The following KCNIP1 variants were observed in gnomAD, a reference collection of about 807,000 sequenced individuals.
The protein encoded by KCNIP1 is potassium voltage-gated channel interacting protein 1.
Under a neutral mutation model 33.0 loss-of-function variants are expected in KCNIP1, and 18 were observed. That is an observed-to-expected ratio of 0.55 (90% CI 0.38 to 0.81). KCNIP1 has a LOEUF of 0.81. Ranked by LOEUF, KCNIP1 falls within the 30% of genes least tolerant of loss-of-function variation. KCNIP1 has a pLI of 0.00. For synonymous variants in KCNIP1, 93 were observed against 98.3 expected (o/e 0.95, Z 0.32); for missense variants, 238 against 271.6 (o/e 0.88, Z 0.87).
At chr5:170,578,809 G>A (rs962128787) in intron 1 of KCNIP1, among the ~76,000 whole-genome samples, 3 of 152,158 alleles carry the variant, frequency 2.0e-5, no homozygotes, top group Non-Finnish European at 4.4e-5. Flanking sequence ...TCTGAAAAGA[G>A]GATGTTTTGG....
chr5:170,434,847 C>T (rs1281401547), intron 1 of KCNIP1, among the ~76,000 whole-genome samples: 3 of 152,122 alleles, frequency 2.0e-5, no homozygotes, highest in African/African-American at 7.2e-5. Context: ...CCCAGCTACT[C>T]GGGAGGCTGA....
intron 1 of KCNIP1, among the ~76,000 whole-genome samples, chr5:170,585,054 A>G (rs772501081): frequency 6.6e-6 from 1 of 152,170 alleles, no homozygotes; most frequent in African/African-American, 2.4e-5. Flanking sequence ...ATTCACAGGT[A>G]AGAAAACTGA....
At chr5:170,615,402 A>G (rs1177814466) in intron 1 of KCNIP1, among the ~76,000 whole-genome samples, 2 of 152,188 alleles carry the variant, frequency 1.3e-5, no homozygotes, top group African/African-American at 4.8e-5. Context: ...ACGCAGACTG[A>G]CAAGCCTGTG....
At chr5:170,436,262 T>A (rs1408786063) in intron 1 of KCNIP1, among the ~76,000 whole-genome samples, 4 of 152,182 alleles carry the variant, frequency 2.6e-5, no homozygotes, top group Non-Finnish European at 5.9e-5. Context: ...CATTCGAGGT[T>A]ATTAATTTGC....
At position 170,521,017 on chromosome 5, in the gene KCNIP1, C is replaced by T. The variant is rs998315043; in HGVS notation, c.61+16384C>T. On this transcript the variant is annotated intron_variant, in intron 1 of 7. Coordinates refer to ENST00000328939, the MANE Select transcript of KCNIP1 (RefSeq NM_014592.4). ...TGAGAAGGTATATGTGAAATGCCTG[C>T]TCCATAATAGACACCCGTTTGAGAA... Among the ~76,000 whole-genome samples, 25 of 152,176 alleles carry T rather than the reference C, an allele frequency of 1.6e-4. 1 individual carries two copies. The highest frequency in any genetic ancestry group is 5.2e-4 in the Admixed American group (8 of 15,278).
intron 1 of KCNIP1, among the ~76,000 whole-genome samples, chr5:170,439,541 C>T (rs983288360): frequency 1.3e-5 from 2 of 152,170 alleles, no homozygotes; most frequent in Non-Finnish European, 2.9e-5. Flanking sequence ...CCACTCCACA[C>T]GTAGGAGGCT....
At chr5:170,707,357 A>T (rs1386141820) in intron 1 of KCNIP1, among the ~76,000 whole-genome samples, 1 of 152,098 alleles carries the variant, frequency 6.6e-6, no homozygotes, top group Non-Finnish European at 1.5e-5. Flanking sequence ...CCTAATGTAC[A>T]TGGCCTTGCT....
chr5:170,708,568 T>A (rs911828670), intron 1 of KCNIP1, among the ~76,000 whole-genome samples: 1 of 152,250 alleles, frequency 6.6e-6, no homozygotes, highest in Non-Finnish European at 1.5e-5. Flanking sequence ...TTACCATGAT[T>A]TAATTACCAT....
intron 1 of KCNIP1, among the ~76,000 whole-genome samples, chr5:170,702,801 A>G (rs1221084030): frequency 6.6e-6 from 1 of 151,898 alleles, no homozygotes; most frequent in Non-Finnish European, 1.5e-5. Context: ...AAATAGGAAC[A>G]ATAATTAGCT....
At chr5:170,603,573 A>G (rs1378392719) in intron 1 of KCNIP1, among the ~76,000 whole-genome samples, 2 of 151,896 alleles carry the variant, frequency 1.3e-5, no homozygotes, top group Non-Finnish European at 2.9e-5. Flanking sequence ...GGCTGTGCAC[A>G]GGGGTCTGAG....
intron 1 of KCNIP1, among the ~76,000 whole-genome samples, chr5:170,619,104 A>C (rs182401849): frequency 2.0e-5 from 3 of 152,356 alleles, no homozygotes; most frequent in Admixed American, 2.0e-4. Context: ...GAATGAATGG[A>C]TGCTTCCATG....
intron 1 of KCNIP1, among the ~76,000 whole-genome samples, chr5:170,629,640 C>T (rs1232303146): frequency 2.0e-5 from 3 of 152,286 alleles, no homozygotes; most frequent in Admixed American, 1.3e-4. Context: ...GAAAGTCTGC[C>T]CCCTCCCCCT....
At chr5:170,645,939 CAA>C (rs1453322292) in intron 1 of KCNIP1, among the ~76,000 whole-genome samples, 1 of 151,974 alleles carries the variant, frequency 6.6e-6, no homozygotes, top group Non-Finnish European at 1.5e-5. Flanking sequence ...ACACAAACAT[CAA>C]AACAATAATA....
chr5:170,684,646 G>T (rs938365128), intron 1 of KCNIP1, among the ~76,000 whole-genome samples: 2 of 152,180 alleles, frequency 1.3e-5, no homozygotes, highest in African/African-American at 2.4e-5. Context: ...GCAGTTCCAA[G>T]GAGGATGAGA....
intron 1 of KCNIP1, among the ~76,000 whole-genome samples, chr5:170,417,838 TC>T (rs1420716884): frequency 6.6e-6 from 1 of 152,088 alleles, no homozygotes; most frequent in Non-Finnish European, 1.5e-5. Flanking sequence ...AGTCCTAACT[TC>T]CTAAAATAAA....
At chr5:170,629,768 G>A (rs1759984998) in intron 1 of KCNIP1, among the ~76,000 whole-genome samples, 1 of 152,180 alleles carries the variant, frequency 6.6e-6, no homozygotes, top group Non-Finnish European at 1.5e-5. Context: ...GCAGCATCTA[G>A]TAAGGGCACC....
chr5:170,588,996 C>CTTTTTTT (rs67130531), intron 1 of KCNIP1, among the ~76,000 whole-genome samples: 1 of 117,406 alleles, frequency 8.5e-6, no homozygotes, highest in African/African-American at 3.2e-5. Context: ...ATACTTACTT[C>CTTTTTTT]TTTTTTTTTT....
At chr5:170,627,549 C>T (rs1285707282) in intron 1 of KCNIP1, among the ~76,000 whole-genome samples, 2 of 152,252 alleles carry the variant, frequency 1.3e-5, no homozygotes, top group East Asian at 1.9e-4. Flanking sequence ...CCAGGGCCAC[C>T]GGCCACTGCT....
chr5:170,476,459 T>G (rs1016941762), intron 1 of KCNIP1, among the ~76,000 whole-genome samples: 15 of 152,238 alleles, frequency 9.9e-5, no homozygotes, highest in African/African-American at 3.6e-4. Flanking sequence ...AAACTTCTCC[T>G]CTGTTCCAAT....
Sources: allele counts gnomAD v4.1 joint callset (sites outside exome capture counted in the v4.1 genomes callset), GRCh38; gene constraint gnomAD v4.1.1; transcripts MANE v1.5; gene names NCBI Gene and HGNC (gene_info 2026-07-23, HGNC 2026-07-21).